RNF32: variants seen among roughly 807,000 people sequenced by gnomAD.
RNF32 encodes the protein ring finger protein 32.
RNF32 carries 36 observed loss-of-function variants against 41.0 expected under a neutral mutation model. That is an observed-to-expected ratio of 0.88 (90% CI 0.67 to 1.16). RNF32 has a LOEUF of 1.16. RNF32 is among the 50% of genes most tolerant of loss of function. The pLI is 0.00. For synonymous variants in RNF32, 154 were observed against 160.9 expected (o/e 0.96, Z 0.32); for missense variants, 413 against 436.7 (o/e 0.95, Z 0.48).
At chr7:156,657,333 G>A in intron 4 of RNF32, 1 of 572,736 alleles carries the variant, frequency 1.7e-6, no homozygotes, top group Non-Finnish European at 3.1e-6. Context: ...GTGTTTATTT[G>A]ATATTTCAGA....
chr7:156,659,087 CT>C, intron 7 of RNF32: 1 of 1,357,050 alleles, frequency 7.4e-7, no homozygotes, highest in Non-Finnish European at 9.4e-7. Context: ...TTTAGTTTTA[CT>C]TTTGGGGGAC....
chr7:156,653,565 A>G (rs1415152061), intron 3 of RNF32, among the ~76,000 whole-genome samples: 1 of 152,124 alleles, frequency 6.6e-6, no homozygotes, highest in Non-Finnish European at 1.5e-5. Context: ...TCGATGTAAC[A>G]TTTTGTCTTC....
rs1335798708 is a variant in RNF32, at chr7:156,676,770, A to C, written c.*115A>C. ...AATGTAATCTGTTTCCCAGGGAAAT[A>C]AGCTATTGGTAGTTGTAGGAAATCT... On this transcript the variant is annotated 3_prime_UTR_variant, in exon 9 of 9. Coordinates refer to ENST00000317955, the MANE Select transcript of RNF32 (RefSeq NM_030936.4). 4.0e-6 allele frequency: 3 copies of C among 742,824 alleles called. No homozygotes were observed. Among genetic ancestry groups the C allele is most frequent in the Non-Finnish European group, 6.8e-6 (3 of 441,636 alleles). The allele number at this position is 742,824 out of a possible 1,614,324, so 46.0% of individuals were successfully genotyped here.
chr7:156,643,938 A>C (rs376010706), intron 2 of RNF32, 46 bp downstream of exon 2: 23 of 1,515,394 alleles, frequency 1.5e-5, no homozygotes, highest in Non-Finnish European at 2.0e-5. Flanking sequence ...GACTCATGAA[A>C]TGTATTTTAA....
chr7:156,657,437 A>G, intron 4 of RNF32, 104 bp from the exon 5 acceptor site: 2 of 1,149,378 alleles, frequency 1.7e-6, no homozygotes, highest in Non-Finnish European at 2.6e-6. Flanking sequence ...GCTTTTTTAA[A>G]GAAATAATAC....
chr7:156,643,327 T>C (rs1157896953), intron 1 of RNF32, among the ~76,000 whole-genome samples: 1 of 152,232 alleles, frequency 6.6e-6, no homozygotes, highest in Non-Finnish European at 1.5e-5. Context: ...GTGTTCCTCT[T>C]GCGTTCCAGT....
At chr7:156,659,563 GA>G in intron 7 of RNF32, 1 of 981,084 alleles carries the variant, frequency 1.0e-6, no homozygotes, top group Non-Finnish European at 1.2e-6. Context: ...AATCAGAAGT[GA>G]TTTTTTGTCA....
intron 7 of RNF32, chr7:156,659,787 A>G (rs1198150724): frequency 5.8e-6 from 4 of 687,604 alleles, no homozygotes; most frequent in East Asian, 2.7e-4. Flanking sequence ...GTTATCTTGT[A>G]AAGTAGCCAG....
chr7:156,640,599 G>C, upstream of RNF32: 1 of 409,950 alleles, frequency 2.4e-6, no homozygotes, highest in Non-Finnish European at 4.8e-6. Flanking sequence ...GTGTGGTGTG[G>C]ACAGGGCGTG....
chr7:156,656,018 C>T (rs115402035), intron 4 of RNF32, among the ~76,000 whole-genome samples: 2,807 of 152,284 alleles, frequency 0.018, 89 homozygotes, highest in African/African-American at 0.065. Flanking sequence ...ATATAAGACC[C>T]ATCCTGTATA....
chr7:156,646,959 C>T (rs777267089), intron 3 of RNF32, among the ~76,000 whole-genome samples: 7 of 152,130 alleles, frequency 4.6e-5, no homozygotes, highest in Non-Finnish European at 1.0e-4. Flanking sequence ...TCAAGTGATT[C>T]TCGTGCCTCA....
intron 7 of RNF32, among the ~76,000 whole-genome samples, chr7:156,674,045 C>T (rs570193486): frequency 6.6e-6 from 1 of 152,348 alleles, no homozygotes; most frequent in South Asian, 2.1e-4. Flanking sequence ...GGGACTTGTT[C>T]ATTTCATCCT....
intron 7 of RNF32, among the ~76,000 whole-genome samples, chr7:156,661,285 C>G (rs1378434423): frequency 6.6e-6 from 1 of 151,600 alleles, no homozygotes; most frequent in Non-Finnish European, 1.5e-5. Flanking sequence ...GCCCCCTTGG[C>G]CAAGAGGGGG....
At chr7:156,647,422 T>A (rs1481169973) in intron 3 of RNF32, among the ~76,000 whole-genome samples, 1 of 152,130 alleles carries the variant, frequency 6.6e-6, no homozygotes, top group Non-Finnish European at 1.5e-5. Context: ...TATCTTAGCT[T>A]CCACTTATAA....
At chr7:156,657,688 C>T in intron 5 of RNF32, 115 bp downstream of exon 5, 1 of 940,752 alleles carries the variant, frequency 1.1e-6, no homozygotes, top group East Asian at 2.4e-5. Flanking sequence ...TTCATCACCA[C>T]CATCTATAGT....
At chr7:156,667,255 G>GT (rs1281193236) in intron 7 of RNF32, among the ~76,000 whole-genome samples, 1 of 152,202 alleles carries the variant, frequency 6.6e-6, no homozygotes, top group Non-Finnish European at 1.5e-5. Context: ...CAACACATTA[G>GT]TAAGCAATTT....
chr7:156,650,270 C>T (rs1798546346), intron 3 of RNF32, among the ~76,000 whole-genome samples: 1 of 152,214 alleles, frequency 6.6e-6, no homozygotes, highest in Non-Finnish European at 1.5e-5. Flanking sequence ...TCCTCAACAA[C>T]AAGGGAGGAG....
At chr7:156,664,074 G>T (rs930717927) in intron 7 of RNF32, among the ~76,000 whole-genome samples, 10 of 152,238 alleles carry the variant, frequency 6.6e-5, no homozygotes, top group African/African-American at 2.4e-4. Flanking sequence ...GCTCAGAGCG[G>T]GGAGAGAGCC....
chr7:156,676,324 A>G, intron 8 of RNF32, 95 bp from the exon 9 acceptor site: 2 of 1,612,822 alleles, frequency 1.2e-6, no homozygotes, highest in South Asian at 1.1e-5. Flanking sequence ...TCGAAGACCC[A>G]TGTCTCGGGG....
Sources: gnomAD v4.1 joint callset for allele counts (sites outside exome capture counted in the v4.1 genomes callset) on GRCh38, gnomAD v4.1.1 for gene constraint, MANE v1.5 for transcripts, NCBI Gene and HGNC (gene_info 2026-07-23, HGNC 2026-07-21) for gene names.